The following BTD variants were observed in gnomAD, a reference collection of about 807,000 sequenced individuals.
BTD encodes biotinidase.
A neutral mutation model predicts 17.7 loss-of-function variants in BTD; 13 were observed. That is an observed-to-expected ratio of 0.74 (90% CI 0.48 to 1.17). BTD has a LOEUF of 1.17. BTD is among the 50% of genes most tolerant of loss of function. The pLI is 0.00. For missense variants in BTD, 674 were observed against 650.4 expected (o/e 1.04, Z -0.39); for synonymous variants, 240 against 245.2 (o/e 0.98, Z 0.20).
intron 3 of BTD, among the ~76,000 whole-genome samples, chr3:15,709,370 T>C (rs928758510): frequency 6.6e-6 from 1 of 152,120 alleles, no homozygotes; most frequent in Non-Finnish European, 1.5e-5. Context: ...ATAGGTTCTA[T>C]GGGGCTTTAC....
At chr3:15,713,753 A>T, downstream of BTD, 1 of 555,276 alleles carries the variant, frequency 1.8e-6, no homozygotes, top group African/African-American at 1.9e-5. Flanking sequence ...AGATACAGCA[A>T]TTTTAACTAG....
chr3:15,644,217 G>A (rs540908296), intron 3 of BTD, 99 bp from the exon 4 acceptor site: 6 of 1,240,788 alleles, frequency 4.8e-6, no homozygotes, highest in Non-Finnish European at 6.9e-6. Flanking sequence ...AGCCAGGGTG[G>A]TCTCAATCTC....
intron 1 of BTD, among the ~76,000 whole-genome samples, chr3:15,634,792 G>A (rs371243705): frequency 6.6e-6 from 1 of 152,214 alleles, no homozygotes; most frequent in African/African-American, 2.4e-5. Flanking sequence ...TACTTTGCTT[G>A]TCTATAAAAG....
At chr3:15,687,472 T>C (rs137881511) in intron 3 of BTD, among the ~76,000 whole-genome samples, 123 of 152,300 alleles carry the variant, frequency 8.1e-4, no homozygotes, top group African/African-American at 2.7e-3. Flanking sequence ...TTAAATCCTC[T>C]GCAAAATTCA....
chr3:15,633,575 G>A (rs1039070990), intron 1 of BTD, among the ~76,000 whole-genome samples: 1 of 152,184 alleles, frequency 6.6e-6, no homozygotes, highest in African/African-American at 2.4e-5. Context: ...CCCGACATCG[G>A]TGGTACCCAG....
chr3:15,698,090 T>G (rs964468362), intron 3 of BTD, among the ~76,000 whole-genome samples: 1 of 152,096 alleles, frequency 6.6e-6, no homozygotes, highest in South Asian at 2.1e-4. Context: ...TCCCTTTATG[T>G]GTCTATTTGA....
At chr3:15,712,175 C>A in exon 4 of BTD, 1 of 1,584,968 alleles carries the variant, frequency 6.3e-7, no homozygotes, top group South Asian at 1.2e-5. Flanking sequence ...ATCTGAAAAG[C>A]CGCTTAAGGC....
At chr3:15,627,866 G>A (rs1232735236) in intron 1 of BTD, among the ~76,000 whole-genome samples, 1 of 152,118 alleles carries the variant, frequency 6.6e-6, no homozygotes, top group African/African-American at 2.4e-5. Flanking sequence ...GGATTACAGT[G>A]CCTGCCACCA....
chr3:15,657,648 T>A (rs1205507896), downstream of BTD, among the ~76,000 whole-genome samples: 1 of 152,194 alleles, frequency 6.6e-6, no homozygotes, highest in African/African-American at 2.4e-5. Context: ...CCTTTCCATA[T>A]TCCAGGTAAG....
chr3:15,604,418 A>G (rs1224210364), intron 1 of BTD, among the ~76,000 whole-genome samples: 2 of 152,226 alleles, frequency 1.3e-5, no homozygotes, highest in African/African-American at 2.4e-5. Flanking sequence ...TAGGCTGCAA[A>G]CAGCAGGGGG....
At chr3:15,675,836 T>C (rs1575088600) in intron 3 of BTD, 1 of 1,347,048 alleles carries the variant, frequency 7.4e-7, no homozygotes, top group East Asian at 2.5e-5. Flanking sequence ...TTATTTCTCT[T>C]CAAATATGGA....
chr3:15,706,440 T>C (rs996726019), intron 3 of BTD, among the ~76,000 whole-genome samples: 12 of 152,214 alleles, frequency 7.9e-5, no homozygotes, highest in African/African-American at 2.4e-4. Context: ...TATGGCTGCA[T>C]AGTATTCCAT....
chr3:15,619,009 G>A (rs186007441), intron 1 of BTD, among the ~76,000 whole-genome samples: 106 of 152,156 alleles, frequency 7.0e-4, no homozygotes, highest in African/African-American at 1.5e-3. Context: ...GAACAAAGGC[G>A]GTTTTATTTC....
intron 2 of BTD, among the ~76,000 whole-genome samples, chr3:15,641,598 G>A (rs761302405): frequency 1.3e-5 from 2 of 152,118 alleles, no homozygotes; most frequent in Admixed American, 1.3e-4. Flanking sequence ...CTAGCTATTC[G>A]CTTGTCAAAC....
Position 15,635,465 on chromosome 3 carries a change from C to G in BTD, c.26C>G (p.Ala9Gly). MSGARSKL[A>G]LFLCGCYVVA... Reference sequence around the variant, plus strand: ...ATGTCTGGAGCCAGAAGTAAGCTTGCTCTTTTCCTCTGCGGCTGTTACGTG... The same window carrying G: ...ATGTCTGGAGCCAGAAGTAAGCTTGGTCTTTTCCTCTGCGGCTGTTACGTG... The change falls in exon 2 of 4, where the codon GCT becomes GGT. Residue 9 changes from alanine (A) to glycine (G), a missense_variant. Ala to Gly is a moderately conservative substitution (Grantham distance 60, BLOSUM62 0). Coordinates refer to ENST00000643237, the MANE Select transcript of BTD (RefSeq NM_001370658.1). The surrounding 1 kb of genome is among the most constrained non-coding windows in gnomAD (Gnocchi z 4.1). 1 of 1,614,224 alleles carries G rather than the reference C, an allele frequency of 6.2e-7. No homozygotes were observed. The highest frequency in any genetic ancestry group is 1.1e-5 in the South Asian group (1 of 91,090).
In BTD at chr3:15,635,719, C is replaced by G. The variant is rs764744196; in HGVS notation, c.249+31C>G. The G allele has an allele frequency of 6.2e-7, 1 of 1,613,758 alleles. No individual in the cohort carries two copies. Among genetic ancestry groups the G allele is most frequent in the South Asian group, 1.1e-5 (1 of 91,012 alleles). On this transcript the variant is annotated intron_variant, in intron 2 of 3. Transcript: ENST00000643237. The surrounding 1 kb of genome is among the most constrained non-coding windows in gnomAD (Gnocchi z 4.1). ...AATGCTCCTCGGAACCTGAGTTTCT[C>G]TCATACAGAGCAGATTGCTCTTTAC...
In BTD at chr3:15,650,052, C is replaced by T. The variant is rs935084544; in HGVS notation, c.*4564C>T. On this transcript the variant is annotated 3_prime_UTR_variant, in exon 4 of 4. Coordinates refer to ENST00000643237, the MANE Select transcript of BTD (RefSeq NM_001370658.1). The stretch of plus-strand genomic sequence containing the variant: ...CATCTTTATCGTGACTCCACGGAGA[C>T]CCACCCTCTAAGACCAGAGCCAGTG... Among the ~76,000 whole-genome samples, 9 of 152,224 alleles carry T rather than the reference C, an allele frequency of 5.9e-5. No homozygotes were observed. Among genetic ancestry groups the T allele is most frequent in the Admixed American group, 2.0e-4 (3 of 15,280 alleles).
At chr3:15,672,739 T>C (rs886998845) in intron 3 of BTD, among the ~76,000 whole-genome samples, 2 of 152,130 alleles carry the variant, frequency 1.3e-5, no homozygotes, top group Non-Finnish European at 2.9e-5. Flanking sequence ...GTGTGTTTTC[T>C]AGTCAGAATA....
At chr3:15,655,558 C>T (rs1003605707), downstream of BTD, among the ~76,000 whole-genome samples, 6 of 152,250 alleles carry the variant, frequency 3.9e-5, no homozygotes, top group East Asian at 1.9e-4. Flanking sequence ...ATTTTGAATG[C>T]GCTGGCTTGG....
Sources: allele counts gnomAD v4.1 joint callset (sites outside exome capture counted in the v4.1 genomes callset), GRCh38; gene constraint gnomAD v4.1.1; non-coding constraint Gnocchi (gnomAD v3.1); transcripts MANE v1.5; gene names NCBI Gene and HGNC (gene_info 2026-07-23, HGNC 2026-07-21).